HYCC1: variants seen among roughly 807,000 people sequenced by gnomAD.
HYCC1 encodes hyccin PI4KA lipid kinase complex subunit 1.
the HYCC1 span, chr7:22,945,935 C>A: frequency 1.2e-6 from 2 of 1,613,844 alleles, no homozygotes; most frequent in Middle Eastern, 1.7e-4. Context: ...AGTTTGTTTT[C>A]GAGCAAAGTG....
chr7:22,988,706 T>C, the HYCC1 span, among the ~76,000 whole-genome samples: 10 of 152,232 alleles, frequency 6.6e-5, no homozygotes, highest in Non-Finnish European at 1.0e-4. Flanking sequence ...TAGAGTTCTT[T>C]CTTGGCTTTC....
chr7:22,942,048 C>T, the HYCC1 span: 2 of 152,130 alleles, frequency 1.3e-5, no homozygotes, highest in African/African-American at 2.4e-5. Flanking sequence ...AAATGTTAAC[C>T]TGCCTTATTT....
chr7:22,976,353 A>G, the HYCC1 span: 18 of 1,378,678 alleles, frequency 1.3e-5, no homozygotes, highest in Non-Finnish European at 1.7e-5. Context: ...AATTCTAAGA[A>G]GTCAACTATA....
At chr7:23,013,066 A>G in the HYCC1 span, among the ~76,000 whole-genome samples, 405 of 152,284 alleles carry the variant, frequency 2.7e-3, 4 homozygotes, top group African/African-American at 9.5e-3. Flanking sequence ...TAAACCACTT[A>G]GGCAAAATTA....
chr7:22,985,571 T>C, the HYCC1 span: 1 of 152,132 alleles, frequency 6.6e-6, no homozygotes, highest in African/African-American at 2.4e-5. Context: ...AAATGTGGAC[T>C]ATTTGGAAAC....
At chr7:22,907,618 T>G in the HYCC1 span, among the ~76,000 whole-genome samples, 12 of 152,218 alleles carry the variant, frequency 7.9e-5, no homozygotes, top group Non-Finnish European at 1.3e-4. Context: ...CTTATTAAAA[T>G]GCAGATTTCA....
chr7:22,978,671 ATCCTGGGTAGTTACTG>A, the HYCC1 span, among the ~76,000 whole-genome samples: 3 of 152,268 alleles, frequency 2.0e-5, no homozygotes, highest in East Asian at 5.8e-4. Context: ...TTGAATGGGA[ATCCTGGGTAGTTACTG>A]TCCTATCTCC....
At chr7:22,960,081 C>T in the HYCC1 span, among the ~76,000 whole-genome samples, 2 of 152,060 alleles carry the variant, frequency 1.3e-5, no homozygotes, top group African/African-American at 4.8e-5. Flanking sequence ...ATAAGGGGCT[C>T]CATTTTTCTT....
At chr7:22,908,572 C>A in the HYCC1 span, among the ~76,000 whole-genome samples, 1 of 152,182 alleles carries the variant, frequency 6.6e-6, no homozygotes. Context: ...TTTACTCCCC[C>A]TCCATTTGTC....
At chr7:22,967,202 A>G in the HYCC1 span, among the ~76,000 whole-genome samples, 1 of 152,246 alleles carries the variant, frequency 6.6e-6, no homozygotes, top group Non-Finnish European at 1.5e-5. Flanking sequence ...GAGACTGTGT[A>G]GTAAGCAAAT....
the HYCC1 span, among the ~76,000 whole-genome samples, chr7:22,975,157 A>G: frequency 1.3e-5 from 2 of 152,152 alleles, no homozygotes. Context: ...TAGTTCTATA[A>G]TATCTCTTAT....
the HYCC1 span, among the ~76,000 whole-genome samples, chr7:22,926,305 A>G: frequency 6.6e-6 from 1 of 152,178 alleles, no homozygotes; most frequent in African/African-American, 2.4e-5. Flanking sequence ...TAACATCATA[A>G]TGACAGGATC....
the HYCC1 span, among the ~76,000 whole-genome samples, chr7:22,925,257 C>T: frequency 8.5e-5 from 13 of 152,132 alleles, no homozygotes; most frequent in African/African-American, 3.1e-4. Context: ...AAACCGGAAA[C>T]TCTAAAAATC....
the HYCC1 span, among the ~76,000 whole-genome samples, chr7:22,969,450 G>T: frequency 6.6e-6 from 1 of 150,650 alleles, no homozygotes; most frequent in Non-Finnish European, 1.5e-5. Flanking sequence ...ACAGGCATGA[G>T]CCAACGTCTG....
the HYCC1 span, among the ~76,000 whole-genome samples, chr7:22,972,514 T>C: frequency 6.6e-6 from 1 of 152,088 alleles, no homozygotes; most frequent in Non-Finnish European, 1.5e-5. Context: ...ATATTCCACA[T>C]CAAAAAAGAA....
chr7:23,005,042 C>T, the HYCC1 span, among the ~76,000 whole-genome samples: 7 of 152,146 alleles, frequency 4.6e-5, no homozygotes, highest in Non-Finnish European at 8.8e-5. Context: ...CCTGACCTCG[C>T]GATCCGCCCG....
the HYCC1 span, among the ~76,000 whole-genome samples, chr7:22,998,373 A>G: frequency 6.6e-6 from 1 of 152,168 alleles, no homozygotes; most frequent in Non-Finnish European, 1.5e-5. Context: ...TTTAGATAAG[A>G]GCAGACAGAA....
chr7:22,969,940 A>G, the HYCC1 span, among the ~76,000 whole-genome samples: 3 of 152,196 alleles, frequency 2.0e-5, no homozygotes, highest in African/African-American at 2.4e-5. Flanking sequence ...TTGAATATAC[A>G]GGTTTAGGAA....
the HYCC1 span, among the ~76,000 whole-genome samples, chr7:23,000,628 C>G: frequency 6.6e-6 from 1 of 152,232 alleles, no homozygotes; most frequent in African/African-American, 2.4e-5. Context: ...AACGATCTCT[C>G]CTGTTATTTA....
Sources: allele counts gnomAD v4.1 joint callset (sites outside exome capture counted in the v4.1 genomes callset), GRCh38; gene constraint gnomAD v4.1.1; transcripts MANE v1.5; gene names NCBI Gene and HGNC (gene_info 2026-07-23, HGNC 2026-07-21).